The following TXLNB variants were observed in gnomAD, a reference collection of about 807,000 sequenced individuals.
TXLNB encodes the protein taxilin beta.
TXLNB carries 37 observed loss-of-function variants against 57.4 expected under a neutral mutation model. That is an observed-to-expected ratio of 0.64 (90% CI 0.50 to 0.85). The LOEUF (loss-of-function observed/expected upper bound fraction) is 0.85. Among genes scored for constraint, TXLNB ranks in the 40% least tolerant of loss-of-function variants. TXLNB has a pLI of 0.00. For synonymous variants in TXLNB, 302 were observed against 309.6 expected, an observed-to-expected ratio of 0.98 and a Z score of 0.26; for missense variants, 848 against 825.6, an observed-to-expected ratio of 1.03 and a Z score of -0.33.
the TXLNB span, chr6:139,166,317 T>C: frequency 6.2e-7 from 1 of 1,611,470 alleles, no homozygotes; most frequent in Non-Finnish European, 8.5e-7. Flanking sequence ...ATCTGCAGCT[T>C]CGGTAGGCCG....
the TXLNB span, among the ~76,000 whole-genome samples, chr6:139,225,874 T>C: frequency 2.0e-5 from 3 of 152,130 alleles, no homozygotes; most frequent in African/African-American, 4.8e-5. Flanking sequence ...TAAGAATACT[T>C]TGAAGAACAC....
At chr6:139,250,357 CTTT>C (rs61441759) in intron 7 of TXLNB, among the ~76,000 whole-genome samples, 1 of 118,890 alleles carries the variant, frequency 8.4e-6, no homozygotes, top group African/African-American at 3.3e-5. Flanking sequence ...TTCTTTCTTT[CTTT>C]TTTTTTTTTT....
the TXLNB span, among the ~76,000 whole-genome samples, chr6:139,172,078 G>A: frequency 1.4e-4 from 21 of 152,020 alleles, no homozygotes; most frequent in African/African-American, 4.1e-4. Flanking sequence ...TGATCTACCC[G>A]CCTTGGCCTC....
Position 139,262,661 on chromosome 6 carries a change from C to T in TXLNB, c.800G>A (p.Arg267Gln), listed in dbSNP as rs147752054. The T allele has an allele frequency of 2.6e-5, 42 of 1,614,198 alleles. No individual in the cohort carries two copies. Among genetic ancestry groups the T allele is most frequent in the Middle Eastern group, 1.6e-4 (1 of 6,062 alleles). Residue 267 changes from arginine (R) to glutamine (Q), a missense_variant, in exon 5 of 10, where the codon CGA becomes CAA. Transcript: ENST00000358430. Reference protein sequence around the residue: ...IQGQIEQQSERNMKLCQENTE... With the variant: ...IQGQIEQQSEQNMKLCQENTE... ...GTTCTCCTGACAGAGCTTCATATTT[C>T]GCTCACTCTGCTGCTCGATCTGGCC...
At chr6:139,313,513 G>A in the TXLNB span, among the ~76,000 whole-genome samples, 1 of 152,160 alleles carries the variant, frequency 6.6e-6, no homozygotes, top group Non-Finnish European at 1.5e-5. Context: ...TGTATCAGGT[G>A]AGGAGACAAG....
rs547454880 is a variant in TXLNB at position 139,268,776 on chromosome 6, G to A, written c.687+1680C>T. On this transcript the variant is annotated intron_variant, in intron 4 of 9. Transcript: ENST00000358430. ...AATACTTAATGTCATTGTTCATAAT[G>A]AGAAGCCATTACTGAGGGCATATGG... is the stretch of plus-strand genomic sequence containing the variant. Among the ~76,000 whole-genome samples, 22 of 152,270 alleles carry A rather than the reference G, an allele frequency of 1.4e-4. 1 individual carries two copies. In the South Asian group the frequency reaches 4.6e-3, roughly 32 times the overall value.
chr6:139,209,263 AG>A, the TXLNB span, among the ~76,000 whole-genome samples: 55 of 152,336 alleles, frequency 3.6e-4, no homozygotes, highest in African/African-American at 1.3e-3. Context: ...GATCTCTACA[AG>A]GAAAACTACA....
rs1775907972 is a variant in TXLNB, at chr6:139,240,520, T to G, written c.*2006A>C. 6.6e-6 allele frequency: 1 copy of G among 152,654 alleles called. No individual in the cohort carries two copies. The highest frequency in any genetic ancestry group is 2.1e-4 in the South Asian group (1 of 4,832). 9.5% of individuals were successfully genotyped at this position (152,654 alleles called of 1,614,324 possible). On this transcript the variant is annotated 3_prime_UTR_variant, in exon 10 of 10. Coordinates refer to ENST00000358430, the MANE Select transcript of TXLNB (RefSeq NM_153235.4). ...GACTGAGACTTTACTATGACTAATC[T>G]TACTCCATTCTTGGACGTTCTGCCT...
chr6:139,184,102 G>A, the TXLNB span, among the ~76,000 whole-genome samples: 1 of 152,220 alleles, frequency 6.6e-6, no homozygotes, highest in African/African-American at 2.4e-5. Context: ...AGCAGACATG[G>A]CTGCTTATGT....
At chr6:139,170,304 C>G in the TXLNB span, 2 of 152,210 alleles carry the variant, frequency 1.3e-5, no homozygotes, top group Non-Finnish European at 2.9e-5. Flanking sequence ...ATGCTGGGTA[C>G]TATCAGTTCT....
the TXLNB span, among the ~76,000 whole-genome samples, chr6:139,232,440 T>C: frequency 4.6e-5 from 7 of 152,224 alleles, no homozygotes; most frequent in African/African-American, 1.7e-4. Context: ...AGTACTCTCA[T>C]CTAATATATA....
At chr6:139,187,526 TTTATAA>T in the TXLNB span, among the ~76,000 whole-genome samples, 5 of 152,278 alleles carry the variant, frequency 3.3e-5, no homozygotes, top group East Asian at 9.6e-4. Flanking sequence ...GTATTTTTTT[TTTATAA>T]TTATATTTCA....
the TXLNB span, among the ~76,000 whole-genome samples, chr6:139,210,867 C>T: frequency 4.6e-5 from 7 of 152,224 alleles, no homozygotes; most frequent in Non-Finnish European, 7.3e-5. Context: ...CCTACGCCCA[C>T]GGAGCCTCAC....
the TXLNB span, among the ~76,000 whole-genome samples, chr6:139,319,593 C>G: frequency 6.6e-6 from 1 of 151,786 alleles, no homozygotes; most frequent in South Asian, 2.1e-4. Flanking sequence ...GAGAACCCAT[C>G]TCTACAAAAA....
chr6:139,199,265 G>T, the TXLNB span, among the ~76,000 whole-genome samples: 1 of 151,898 alleles, frequency 6.6e-6, no homozygotes, highest in Non-Finnish European at 1.5e-5. Flanking sequence ...CCTGTTCTAG[G>T]TTTTTCACTA....
At chr6:139,300,766 G>A in the TXLNB span, among the ~76,000 whole-genome samples, 12 of 152,130 alleles carry the variant, frequency 7.9e-5, no homozygotes, top group African/African-American at 2.4e-4. Context: ...GTGGTGGCAC[G>A]CGGCTGTAAT....
chr6:139,278,807 C>T (rs562804142), intron 2 of TXLNB, among the ~76,000 whole-genome samples: 114 of 152,322 alleles, frequency 7.5e-4, no homozygotes, highest in African/African-American at 2.3e-3. Flanking sequence ...AGATCAAGAC[C>T]ATCCTGGCCA....
At chr6:139,219,671 A>G in the TXLNB span, among the ~76,000 whole-genome samples, 5 of 152,314 alleles carry the variant, frequency 3.3e-5, no homozygotes, top group South Asian at 1.0e-3. Flanking sequence ...TGTGTCTGGG[A>G]GCAGCTGGGA....
chr6:139,307,385 T>C, the TXLNB span, among the ~76,000 whole-genome samples: 3 of 152,116 alleles, frequency 2.0e-5, no homozygotes, highest in African/African-American at 7.2e-5. Flanking sequence ...AACAAGGTCT[T>C]GCTATGTTGC....
Sources: allele counts gnomAD v4.1 joint callset (sites outside exome capture counted in the v4.1 genomes callset), GRCh38; gene constraint gnomAD v4.1.1; transcripts MANE v1.5; gene names NCBI Gene and HGNC (gene_info 2026-07-23, HGNC 2026-07-21).